GPR162: variants seen among roughly 807,000 people sequenced by gnomAD.
GPR162 encodes the protein probable G protein-coupled receptor 162.
GPR162 carries 26 observed loss-of-function variants against 44.9 expected under a neutral mutation model. That is an observed-to-expected ratio of 0.58 (90% confidence interval 0.42 to 0.80). The LOEUF (loss-of-function observed/expected upper bound fraction) is 0.80. Ranked by LOEUF, GPR162 falls within the 30% of genes least tolerant of loss-of-function variation. The probability of loss-of-function intolerance (pLI) is 0.00; values close to 1 mark genes in which losing one functional copy is unlikely to be tolerated. For missense variants in GPR162, 704 were observed against 802.3 expected, an observed-to-expected ratio of 0.88 and a Z score of 1.48; for synonymous variants, 363 against 335.2, an observed-to-expected ratio of 1.08 and a Z score of -0.91.
At chr12:6,823,352 C>T (rs939562973) in intron 1 of GPR162, 116 bp from the exon 2 acceptor site, 2 of 198,960 alleles carry the variant, frequency 1.0e-5, no homozygotes, top group Non-Finnish European at 2.0e-5. Context: ...ACCCTCAGGG[C>T]CTTAGTAATC....
chr12:6,826,623 C>T, intron 4 of GPR162, 30 bp from the exon 5 acceptor site: 1 of 1,508,408 alleles, frequency 6.6e-7, no homozygotes, highest in Non-Finnish European at 8.9e-7. Context: ...CCCTGCAGCA[C>T]CTTCAGGTCT....
Position 6,825,648 on chromosome 12 carries a change from C to G in GPR162, c.1032C>G (p.Ile344Met), listed in dbSNP as rs200776682. ...CAGTGTGGGAGCAATGCGTGGCCAT[C>G]ATGTCTGAGGAGGATGGAGATGACG... ...VRTVWEQCVA[I>M]MSEEDGDDDG... The change falls in exon 3 of 5, where the codon ATC becomes ATG. Residue 344 changes from isoleucine (I) to methionine (M), a missense_variant. Around this residue, in one of 6 missense-constraint regions of GPR162, gnomAD observed 92 missense variants for 156.5 expected, o/e 0.59. Coordinates refer to ENST00000311268, the MANE Select transcript of GPR162 (RefSeq NM_019858.2). 10 of 1,577,824 alleles carry G rather than the reference C, an allele frequency of 6.3e-6. No individual in the cohort carries two copies. Among genetic ancestry groups the G allele is most frequent in the Admixed American group, 1.8e-5 (1 of 54,446 alleles).
chr12:6,827,421 ACCT>A, downstream of GPR162: 1 of 569,832 alleles, frequency 1.8e-6, no homozygotes, highest in East Asian at 2.9e-5. Context: ...TGCCATGGAA[ACCT>A]CAGTGTCCAG....
In GPR162 at chr12:6,825,593, C is replaced by T. The variant is rs1473420967; in HGVS notation, c.977C>T (p.Ser326Phe). The stretch of plus-strand genomic sequence containing the variant: ...CTGCTGCTGCCCTCCTTCATCTGGT[C>T]CTGCGAGCGCTACCGCGCCGACGTG... ...QTLLLPSFIWSCERYRADVRT... is the reference protein window; with the variant it reads ...QTLLLPSFIWFCERYRADVRT... Residue 326 changes from serine to phenylalanine, a missense_variant, in exon 3 of 5, where the codon TCC (serine) becomes TTC (phenylalanine). Around this residue, in one of 6 missense-constraint regions of GPR162, gnomAD observed 92 missense variants for 156.5 expected, o/e 0.59. Transcript: ENST00000311268. 1 of 1,601,324 alleles carries T rather than the reference C, an allele frequency of 6.2e-7. No individual in the cohort carries two copies. The highest frequency in any genetic ancestry group is 8.5e-7 in the Non-Finnish European group (1 of 1,174,242).
At chr12:6,826,048 G>A (rs1372807829) in intron 3 of GPR162, 148 bp from the exon 4 acceptor site, 5 of 644,736 alleles carry the variant, frequency 7.8e-6, no homozygotes, top group African/African-American at 5.4e-5. Flanking sequence ...AGCACTGAAC[G>A]CAGCAAATGC....
chr12:6,825,272 G>A lies in GPR162; in HGVS notation c.868-212G>A, dbSNP rs370489661. ...ACCTCTGTTCCTCTCCCTCCTGACC[G>A]CAGGGCTTTGTCTCCAGCACTCTCC... On this transcript the variant is annotated intron_variant, in intron 2 of 4. Coordinates refer to ENST00000311268, the MANE Select transcript of GPR162 (RefSeq NM_019858.2). 28 of 592,140 alleles carry A rather than the reference G, an allele frequency of 4.7e-5. No homozygotes were observed. In the East Asian group the frequency reaches 5.6e-4, roughly 12 times the overall value. 36.7% of individuals were successfully genotyped at this position (592,140 alleles called of 1,614,324 possible).
In GPR162 at chr12:6,824,406, T is replaced by A; in HGVS notation, c.508T>A (p.Phe170Ile). The stretch of plus-strand genomic sequence containing the variant: ...GCGCTACTATGCCCGCGGCTGCCAG[T>A]TCATAGTCTCCAAGATCGGCCTCGG... Reference protein sequence around the residue: ...GERYYARGCQFIVSKIGLGFG... With the variant: ...GERYYARGCQIIVSKIGLGFG... Residue 170 changes from phenylalanine to isoleucine, a missense_variant, in exon 2 of 5, where the codon TTC becomes ATC. Phe to Ile is a conservative substitution (Grantham distance 21). Transcript: ENST00000311268. 1 of 1,614,228 alleles carries A rather than the reference T, an allele frequency of 6.2e-7. No individual in the cohort carries two copies. The highest frequency in any genetic ancestry group is 1.1e-5 in the South Asian group (1 of 91,086).
Position 6,824,192 on chromosome 12 carries a change from C to T in GPR162, c.294C>T (p.Tyr98=). The T allele has an allele frequency of 1.2e-6, 2 of 1,613,960 alleles. No individual in the cohort carries two copies. Among genetic ancestry groups the T allele is most frequent in the African/African-American group, 1.3e-5 (1 of 75,060 alleles). Residue 98 remains tyrosine (Y), a synonymous_variant, in exon 2 of 5, where the codon TAC becomes TAT. Transcript: ENST00000311268. The stretch of plus-strand genomic sequence containing the variant: ...GCAAGGTCTTCGTGTCCACCTACTA[C>T]ACCCTGGCGCTGGCCACCTGCTTCA... ...SICKVFVSTY[Y]TLALATCFTV...
chr12:6,826,873 T>G lies in GPR162; in HGVS notation c.1436T>G (p.Leu479Arg). The G allele has an allele frequency of 6.2e-7, 1 of 1,613,192 alleles. No individual in the cohort carries two copies. The highest frequency in any genetic ancestry group is 8.5e-7 in the Non-Finnish European group (1 of 1,179,686). ...EEAEGGGLAS[L>R]RQFLESGVLG... ...GCTGAAGGTGGGGGGCTGGCCAGCC[T>G]TCGCCAATTCTTGGAGAGTGGGGTT... Residue 479 changes from leucine to arginine, a missense_variant, in exon 5 of 5, where the codon CTT (leucine) becomes CGT (arginine). By Grantham distance (102) the Leu-to-Arg change is moderately radical. Coordinates refer to ENST00000311268, the MANE Select transcript of GPR162 (RefSeq NM_019858.2).
chr12:6,827,331 C>T lies in GPR162; in HGVS notation c.*127C>T. On this transcript the variant is annotated 3_prime_UTR_variant, in exon 5 of 5. Transcript: ENST00000311268. The stretch of plus-strand genomic sequence containing the variant: ...CGCTAGATTTGGGGCTCAGAAGGCC[C>T]TGCTCTCTCCCATCCAAGTGACCAG... 1.4e-6 allele frequency: 1 copy of T among 704,624 alleles called. No homozygotes were observed. Among genetic ancestry groups the T allele is most frequent in the South Asian group, 1.9e-5 (1 of 52,536 alleles). 43.6% of individuals were successfully genotyped at this position (704,624 alleles called of 1,614,324 possible).
Position 6,827,130 on chromosome 12 carries a change from G to T in GPR162, c.1693G>T (p.Gly565Cys). 2.5e-6 allele frequency: 4 copies of T among 1,613,316 alleles called. No individual in the cohort carries two copies. The South Asian group carries it at 4.4e-5, about 18-fold the overall frequency. Residue 565 changes from glycine (G) to cysteine (C), a missense_variant, in exon 5 of 5, where the codon GGT (glycine) becomes TGT (cysteine). By Grantham distance (159) the Gly-to-Cys change is radical. This residue lies in a region of GPR162 where 404 missense variants were observed against 314.1 expected (regional missense o/e 1.29). Coordinates refer to ENST00000311268, the MANE Select transcript of GPR162 (RefSeq NM_019858.2). ...SAGRRCSLTG[G>C]EESARAWGGS... ...AGGGAGACGCTGCTCCCTGACGGGG[G>T]GTGAAGAAAGTGCAAGGGCTTGGGG... is the stretch of plus-strand genomic sequence containing the variant.
rs1943296149 is a variant in GPR162 at position 6,822,490 on chromosome 12, T to A, written c.-432+590T>A. ...CCCCACTTACCCTAAAGCCATTATG[T>A]GCTTCCTTACAGCCCCACTCTGTTC... On this transcript the variant is annotated intron_variant, in intron 1 of 4. Transcript: ENST00000311268. This position sits in a 1 kb window ranked among gnomAD's most constrained non-coding sequence, Gnocchi z 4.2. 6.6e-6 allele frequency among the ~76,000 whole-genome samples: 1 copy of A among 152,144 alleles called. No individual in the cohort carries two copies.
chr12:6,826,180 C>A lies in GPR162; in HGVS notation c.1058-16C>A. 1 of 1,609,532 alleles carries A rather than the reference C, an allele frequency of 6.2e-7. No individual in the cohort carries two copies. Among genetic ancestry groups the A allele is most frequent in the Non-Finnish European group, 8.5e-7 (1 of 1,177,188 alleles). ...CATTCCCTACCTGTAACCACTCTGCCCATTTTCTCTCCTAGATGGGGGCTG... is the reference window on the plus strand; with the variant it reads ...CATTCCCTACCTGTAACCACTCTGCACATTTTCTCTCCTAGATGGGGGCTG... On this transcript the variant is annotated splice_polypyrimidine_tract_variant and intron_variant, in intron 3 of 4. Transcript: ENST00000311268.
intron 2 of GPR162, chr12:6,825,069 C>T: frequency 1.6e-6 from 1 of 609,198 alleles, no homozygotes; most frequent in Admixed American, 2.2e-5. Context: ...TCCTGCAGCT[C>T]CACGGTTCAG....
In GPR162 at chr12:6,827,294, T is replaced by C. The variant is rs1378240940; in HGVS notation, c.*90T>C. On this transcript the variant is annotated 3_prime_UTR_variant, in exon 5 of 5. Coordinates refer to ENST00000311268, the MANE Select transcript of GPR162 (RefSeq NM_019858.2). Reference sequence around the variant, plus strand: ...GAGTAGGGCAGCTGCCTCCAGACTCTGGGGAGACGGGCGCTAGATTTGGGG... The same window carrying C: ...GAGTAGGGCAGCTGCCTCCAGACTCCGGGGAGACGGGCGCTAGATTTGGGG... 1.8e-6 allele frequency: 2 copies of C among 1,095,032 alleles called. No individual in the cohort carries two copies. Among genetic ancestry groups the C allele is most frequent in the Non-Finnish European group, 2.6e-6 (2 of 774,860 alleles). 67.8% of individuals were successfully genotyped at this position (1,095,032 alleles called of 1,614,324 possible).
Position 6,823,554 on chromosome 12 carries a change from C to G in GPR162, c.-345C>G. On this transcript the variant is annotated 5_prime_UTR_variant, in exon 2 of 5. Transcript: ENST00000311268. ...GTCAAGAACCAGAGGCAAAAGAGAC[C>G]TGGAAGTCCCAGCATGGGGACCAGA... 1 of 526,144 alleles carries G rather than the reference C, an allele frequency of 1.9e-6. No homozygotes were observed. Among genetic ancestry groups the G allele is most frequent in the Non-Finnish European group, 3.4e-6 (1 of 295,846 alleles). The allele number at this position is 526,144 out of a possible 1,614,324, so 32.6% of individuals were successfully genotyped here.
At position 6,824,673 on chromosome 12, in the gene GPR162, G is replaced by A; in HGVS notation, c.775G>A (p.Gly259Ser). The A allele has an allele frequency of 1.2e-6, 2 of 1,614,040 alleles. No individual in the cohort carries two copies. The highest frequency in any genetic ancestry group is 1.7e-6 in the Non-Finnish European group (2 of 1,179,958). Residue 259 changes from glycine to serine, a missense_variant, in exon 2 of 5, where the codon GGC becomes AGC. Gly to Ser is a moderately conservative substitution (Grantham distance 56, BLOSUM62 0). Around this residue, in one of 6 missense-constraint regions of GPR162, gnomAD observed 92 missense variants for 156.5 expected, o/e 0.59. Coordinates refer to ENST00000311268, the MANE Select transcript of GPR162 (RefSeq NM_019858.2). ...AGGGAAGCGGCGGTCCTCGCTGGAT[G>A]GCTCGGAGTCTGCCAAGACATCCCT... ...ARGKRRSSLD[G>S]SESAKTSLQV... is the part of the protein sequence containing the mutation.
chr12:6,826,159 C>T (rs782342630), intron 3 of GPR162, 37 bp from the exon 4 acceptor site: 6 of 1,568,920 alleles, frequency 3.8e-6, no homozygotes, highest in Non-Finnish European at 4.4e-6. Flanking sequence ...GGTAGGCATT[C>T]CCTACCTGTA....
At chr12:6,826,120 A>G (rs1038043640) in intron 3 of GPR162, 76 bp from the exon 4 acceptor site, 18 of 1,112,844 alleles carry the variant, frequency 1.6e-5, no homozygotes, top group Admixed American at 1.2e-4. Context: ...GGTCTCTGGG[A>G]GCTTATAAAG....
Sources: gnomAD v4.1 joint callset for allele counts (sites outside exome capture counted in the v4.1 genomes callset) on GRCh38, gnomAD v4.1.1 for gene constraint, gnomAD v4.1.1 regional missense constraint, Gnocchi (gnomAD v3.1) non-coding constraint, MANE v1.5 for transcripts, NCBI Gene and HGNC (gene_info 2026-07-23, HGNC 2026-07-21) for gene names.